RMST: variants seen among roughly 807,000 people sequenced by gnomAD.
RMST encodes the protein long intergenic non-protein coding RNA 54.
chr12:97,469,644 G>A (rs1252484122), intron 5 of RMST, among the ~76,000 whole-genome samples: 1 of 149,156 alleles, frequency 6.7e-6, no homozygotes, highest in Non-Finnish European at 1.5e-5. Flanking sequence ...CAGCTGAGAT[G>A]ACTTAAAATC....
intron 5 of RMST, chr12:97,491,896 A>T (rs1876867287): frequency 1.9e-6 from 1 of 528,248 alleles, no homozygotes; most frequent in South Asian, 1.4e-5. Context: ...CCGAGCGTCC[A>T]TGGGTCAGCT....
At chr12:97,561,044 T>C (rs1214479963) in exon 13 of RMST, 5 of 152,302 alleles carry the variant, frequency 3.3e-5, no homozygotes, top group African/African-American at 1.2e-4. Context: ...AATGGCTTCA[T>C]GAGGTGAATA....
At chr12:97,552,599 C>T (rs567615639) in intron 11 of RMST, among the ~76,000 whole-genome samples, 5 of 152,156 alleles carry the variant, frequency 3.3e-5, no homozygotes, top group Non-Finnish European at 7.3e-5. Context: ...GTCAGCAACA[C>T]TGAGGAATTT....
At chr12:97,562,400 A>G (rs1884182940) in intron 13 of RMST, among the ~76,000 whole-genome samples, 1 of 151,474 alleles carries the variant, frequency 6.6e-6, no homozygotes, top group South Asian at 2.1e-4. Context: ...CAAAGGGAAA[A>G]TGGTAGGGCT....
At chr12:97,549,206 G>A (rs1883148747) in intron 11 of RMST, among the ~76,000 whole-genome samples, 1 of 152,180 alleles carries the variant, frequency 6.6e-6, no homozygotes, top group African/African-American at 2.4e-5. Context: ...AGAACTTCAA[G>A]TCCTTTATAG....
intron 5 of RMST, among the ~76,000 whole-genome samples, chr12:97,478,700 T>C (rs1000221513): frequency 1.3e-5 from 2 of 152,202 alleles, no homozygotes; most frequent in Non-Finnish European, 2.9e-5. Flanking sequence ...GTAAGCACTC[T>C]GATAGTGACT....
At chr12:97,523,596 A>G (rs1827773635) in intron 10 of RMST, among the ~76,000 whole-genome samples, 1 of 152,236 alleles carries the variant, frequency 6.6e-6, no homozygotes, top group African/African-American at 2.4e-5. Context: ...GATAGTTATT[A>G]CATGTGAATT....
At chr12:97,479,962 TG>T (rs1448214236) in intron 5 of RMST, among the ~76,000 whole-genome samples, 1 of 152,228 alleles carries the variant, frequency 6.6e-6, no homozygotes, top group African/African-American at 2.4e-5. Context: ...GTGGCACTGC[TG>T]TCGACTCATT....
intron 5 of RMST, among the ~76,000 whole-genome samples, chr12:97,489,723 G>C (rs1280378192): frequency 6.6e-6 from 1 of 152,148 alleles, no homozygotes; most frequent in Admixed American, 6.5e-5. Context: ...TTAATGCTTA[G>C]TTGCAGCTGA....
chr12:97,508,180 A>G (rs976333840), intron 10 of RMST, among the ~76,000 whole-genome samples: 16 of 152,208 alleles, frequency 1.1e-4, no homozygotes, highest in Admixed American at 3.9e-4. Flanking sequence ...CAATGGTAAG[A>G]AGGGAAATAA....
At chr12:97,527,870 G>T (rs1419238008) in intron 10 of RMST, among the ~76,000 whole-genome samples, 1 of 151,960 alleles carries the variant, frequency 6.6e-6, no homozygotes, top group Admixed American at 6.6e-5. Context: ...CTCATTTAAT[G>T]CAGTGAAGTT....
In RMST at chr12:97,468,835, G is replaced by T. The variant is rs554044205; in HGVS notation, n.644+3108G>T. ...ATCTCCTCCCATATGGATTTAGAAAGCATTCATTTATTCATTCACTCATGC... is the reference window on the plus strand; with the variant it reads ...ATCTCCTCCCATATGGATTTAGAAATCATTCATTTATTCATTCACTCATGC... On this transcript the variant is annotated intron_variant and non_coding_transcript_variant, in intron 5 of 13. Coordinates refer to ENST00000640149, the Ensembl canonical transcript of RMST. Among the ~76,000 whole-genome samples the T allele has an allele frequency of 3.6e-4, 55 of 152,086 alleles. No homozygotes were observed. In the South Asian group the frequency reaches 0.011, roughly 31 times the overall value.
chr12:97,463,541 T>C (rs1403793240), intron 4 of RMST, among the ~76,000 whole-genome samples: 1 of 152,210 alleles, frequency 6.6e-6, no homozygotes, highest in Non-Finnish European at 1.5e-5. Context: ...TTTAAATTTA[T>C]ATCTGGAAAA....
At chr12:97,488,959 G>T (rs1375686522) in intron 5 of RMST, among the ~76,000 whole-genome samples, 2 of 152,130 alleles carry the variant, frequency 1.3e-5, no homozygotes, top group Admixed American at 1.3e-4. Context: ...TTATTGAGAA[G>T]TATGCATAAA....
intron 5 of RMST, among the ~76,000 whole-genome samples, chr12:97,475,128 T>A (rs17331697): frequency 6.6e-6 from 1 of 152,124 alleles, no homozygotes; most frequent in Non-Finnish European, 1.5e-5. Flanking sequence ...TTGATTGTCT[T>A]GTCCATATCT....
At chr12:97,493,623 A>C (rs574266919) in intron 7 of RMST, among the ~76,000 whole-genome samples, 2 of 152,258 alleles carry the variant, frequency 1.3e-5, no homozygotes, top group East Asian at 3.9e-4. Context: ...TCTCTCTCTT[A>C]AACCTATAAC....
At chr12:97,561,949 G>T (rs1308510077) in intron 13 of RMST, among the ~76,000 whole-genome samples, 1 of 152,034 alleles carries the variant, frequency 6.6e-6, no homozygotes, top group African/African-American at 2.4e-5. Context: ...GGAGGAGGGA[G>T]AAAGGAAGCA....
intron 10 of RMST, among the ~76,000 whole-genome samples, chr12:97,512,120 C>T (rs1472687140): frequency 6.6e-6 from 1 of 152,028 alleles, no homozygotes; most frequent in Non-Finnish European, 1.5e-5. Flanking sequence ...TCTGTCTGGC[C>T]GAGTCTGGCG....
intron 11 of RMST, chr12:97,532,840 GTGATTGGGGCTGTAGCAATT>G (rs1881780197): frequency 6.6e-6 from 1 of 151,626 alleles, no homozygotes; most frequent in South Asian, 2.1e-4. Flanking sequence ...TGTCCTGCAG[GTGATTGGGGCTGTAGCAATT>G]TTATTGAAGA....
Sources: gnomAD v4.1 joint callset for allele counts (sites outside exome capture counted in the v4.1 genomes callset) on GRCh38, gnomAD v4.1.1 for gene constraint, MANE v1.5 for transcripts, NCBI Gene and HGNC (gene_info 2026-07-23, HGNC 2026-07-21) for gene names.